Variants in THRB observed in about 807,000 individuals in gnomAD.
THRB encodes thyroid hormone receptor beta.
In THRB, 12 loss-of-function variants were observed where a neutral mutation model predicts 47.8. The ratio of observed to expected loss-of-function variants is 0.25; its 90% CI spans 0.16 to 0.41. The LOEUF (loss-of-function observed/expected upper bound fraction) is 0.41. Among genes scored for constraint, THRB ranks in the 10% least tolerant of loss-of-function variants. THRB has a pLI of 1.00. For synonymous variants in THRB, 218 were observed against 212.2 expected, an observed-to-expected ratio of 1.03 and a Z score of -0.24; for missense variants, 348 against 589.2, an observed-to-expected ratio of 0.59 and a Z score of 4.24.
chr3:24,280,991 G>A (rs752076767), intron 3 of THRB, among the ~76,000 whole-genome samples: 2,250 of 152,216 alleles, frequency 0.015, 15 homozygotes, highest in Non-Finnish European at 0.024. Context: ...GGGGAGAATG[G>A]AACCAAGTTG....
intron 5 of THRB, among the ~76,000 whole-genome samples, chr3:24,160,668 A>T (rs1014525414): frequency 1.3e-5 from 2 of 152,194 alleles, no homozygotes; most frequent in Non-Finnish European, 2.9e-5. Flanking sequence ...GCACCGGTGA[A>T]GCCAAGGACC....
chr3:24,356,851 C>T (rs2063706834), intron 1 of THRB, among the ~76,000 whole-genome samples: 1 of 152,018 alleles, frequency 6.6e-6, no homozygotes, highest in Non-Finnish European at 1.5e-5. Flanking sequence ...ACAAAGGAAC[C>T]GAGGCTTTCC....
intron 1 of THRB, among the ~76,000 whole-genome samples, chr3:24,414,365 G>T (rs147199109): frequency 2.0e-5 from 3 of 151,808 alleles, no homozygotes; most frequent in Non-Finnish European, 2.9e-5. Context: ...TGGTAAGAAC[G>T]TATTTATTGG....
chr3:24,390,416 A>G (rs1195969936), intron 1 of THRB, among the ~76,000 whole-genome samples: 4 of 152,134 alleles, frequency 2.6e-5, no homozygotes, highest in Admixed American at 2.6e-4. Context: ...AGCATATATA[A>G]TATTTACTTT....
At chr3:24,444,030 T>A (rs1402365260) in intron 1 of THRB, among the ~76,000 whole-genome samples, 3 of 152,182 alleles carry the variant, frequency 2.0e-5, no homozygotes, top group African/African-American at 7.2e-5. Context: ...CCCATTTTTT[T>A]AATTTTAAAA....
chr3:24,350,370 A>T (rs970594217), intron 1 of THRB, among the ~76,000 whole-genome samples: 2 of 152,126 alleles, frequency 1.3e-5, no homozygotes, highest in African/African-American at 2.4e-5. Context: ...AAATGTGTAC[A>T]CGTGGTCACC....
chr3:24,270,116 G>C (rs2053169449), intron 3 of THRB, among the ~76,000 whole-genome samples: 1 of 152,084 alleles, frequency 6.6e-6, no homozygotes, highest in African/African-American at 2.4e-5. Flanking sequence ...CTAAAAGATG[G>C]TTCTATGCAA....
At chr3:24,319,603 A>C (rs558261314) in intron 2 of THRB, among the ~76,000 whole-genome samples, 2 of 152,228 alleles carry the variant, frequency 1.3e-5, no homozygotes, top group Non-Finnish European at 2.9e-5. Flanking sequence ...GGCAAACTTC[A>C]GTGTTGCTGG....
intron 5 of THRB, among the ~76,000 whole-genome samples, chr3:24,172,834 G>T (rs1199703649): frequency 6.6e-6 from 1 of 152,076 alleles, no homozygotes; most frequent in South Asian, 2.1e-4. Context: ...CCTCTTTGTG[G>T]GTCTAAATTT....
intron 3 of THRB, among the ~76,000 whole-genome samples, chr3:24,233,332 T>C (rs1288421915): frequency 1.3e-5 from 2 of 151,882 alleles, no homozygotes; most frequent in South Asian, 2.1e-4. Context: ...GACAGAAATA[T>C]AGCCTGTAGC....
At chr3:24,239,999 G>A (rs2049322829) in intron 3 of THRB, among the ~76,000 whole-genome samples, 1 of 152,136 alleles carries the variant, frequency 6.6e-6, no homozygotes, top group Admixed American at 6.5e-5. Flanking sequence ...TTGTTTCTGG[G>A]TTTCCCTCAA....
intron 9 of THRB, 130 bp downstream of exon 9, chr3:24,133,186 T>C (rs758657665): frequency 4.9e-5 from 50 of 1,021,180 alleles, no homozygotes; most frequent in Non-Finnish European, 6.5e-5. Flanking sequence ...ATTTTCGTTT[T>C]GTACTGACGT....
chr3:24,313,943 C>T (rs1025526971), intron 2 of THRB, among the ~76,000 whole-genome samples: 6 of 152,144 alleles, frequency 3.9e-5, no homozygotes, highest in African/African-American at 1.4e-4. Flanking sequence ...ATATTCTTAA[C>T]AGTAAAAAGG....
chr3:24,139,312 C>A (rs906338970), intron 8 of THRB, among the ~76,000 whole-genome samples: 1 of 151,990 alleles, frequency 6.6e-6, no homozygotes, highest in Non-Finnish European at 1.5e-5. Flanking sequence ...TTTCTCAGAC[C>A]CAAATATAGA....
intron 4 of THRB, among the ~76,000 whole-genome samples, chr3:24,228,540 G>A (rs887496023): frequency 9.2e-5 from 14 of 151,494 alleles, no homozygotes; most frequent in African/African-American, 3.4e-4. Flanking sequence ...GCTGAGGTGG[G>A]AGAATCACTT....
At chr3:24,273,014 A>G (rs1251968292) in intron 3 of THRB, among the ~76,000 whole-genome samples, 1 of 152,190 alleles carries the variant, frequency 6.6e-6, no homozygotes, top group Non-Finnish European at 1.5e-5. Flanking sequence ...ATATGACATC[A>G]TCACCTGGAG....
chr3:24,276,945 T>C (rs1470287578), intron 3 of THRB, among the ~76,000 whole-genome samples: 4 of 151,564 alleles, frequency 2.6e-5, no homozygotes, highest in Admixed American at 6.5e-5. Context: ...ATAAAAGTTA[T>C]ATGCAAACTT....
intron 5 of THRB, among the ~76,000 whole-genome samples, chr3:24,180,047 T>C (rs958532248): frequency 1.3e-4 from 20 of 152,204 alleles, no homozygotes; most frequent in Non-Finnish European, 2.4e-4. Context: ...ACCCATTCAA[T>C]TGAAATTGCT....
intron 5 of THRB, among the ~76,000 whole-genome samples, chr3:24,185,775 C>G (rs557417839): frequency 3.9e-5 from 6 of 152,288 alleles, no homozygotes; most frequent in Non-Finnish European, 8.8e-5. Flanking sequence ...ATGCATCCGT[C>G]TAGAGCCCAT....
Sources: gnomAD v4.1 joint callset for allele counts (sites outside exome capture counted in the v4.1 genomes callset) on GRCh38, gnomAD v4.1.1 for gene constraint, MANE v1.5 for transcripts, NCBI Gene and HGNC (gene_info 2026-07-23, HGNC 2026-07-21) for gene names.